Variants in DPP10 observed in about 807,000 individuals in gnomAD.
DPP10 encodes dipeptidyl peptidase like 10.
A neutral mutation model predicts 120.9 loss-of-function variants in DPP10; 33 were observed. The ratio of observed to expected loss-of-function variants is 0.27; its 90% CI spans 0.21 to 0.37. The LOEUF (loss-of-function observed/expected upper bound fraction) is 0.37. Among genes scored for constraint, DPP10 ranks in the 10% least tolerant of loss-of-function variants. DPP10 has a pLI of 1.00. For synonymous variants in DPP10, 337 were observed against 326.1 expected, an observed-to-expected ratio of 1.03 and a Z score of -0.36; for missense variants, 816 against 942.8, an observed-to-expected ratio of 0.87 and a Z score of 1.76.
intron 1 of DPP10, among the ~76,000 whole-genome samples, chr2:114,618,521 A>G (rs1044573175): frequency 6.6e-6 from 1 of 152,036 alleles, no homozygotes; most frequent in Non-Finnish European, 1.5e-5. Flanking sequence ...CAGGAAACAC[A>G]CTCAATACTC....
intron 1 of DPP10, among the ~76,000 whole-genome samples, chr2:114,661,127 T>G (rs902956939): frequency 2.0e-5 from 3 of 152,184 alleles, no homozygotes; most frequent in African/African-American, 7.2e-5. Context: ...TGCTCATTCA[T>G]CTTTCCTTTC....
At chr2:115,345,356 T>TA (rs1284599132) in intron 3 of DPP10, among the ~76,000 whole-genome samples, 1 of 152,136 alleles carries the variant, frequency 6.6e-6, no homozygotes, top group Non-Finnish European at 1.5e-5. Context: ...AGAAGGCTAA[T>TA]AAAAAAGATA....
At chr2:115,246,172 T>C (rs1417958753) in intron 1 of DPP10, among the ~76,000 whole-genome samples, 1 of 152,238 alleles carries the variant, frequency 6.6e-6, no homozygotes, top group East Asian at 1.9e-4. Flanking sequence ...AAATGTGCAC[T>C]TCACATTCCC....
At chr2:115,139,176 G>A (rs1171809102) in intron 1 of DPP10, among the ~76,000 whole-genome samples, 1 of 151,982 alleles carries the variant, frequency 6.6e-6, no homozygotes, top group Non-Finnish European at 1.5e-5. Context: ...TAGGGAACTT[G>A]GAAATATGCA....
At chr2:115,379,161 A>G (rs1316245454) in intron 3 of DPP10, among the ~76,000 whole-genome samples, 7 of 152,278 alleles carry the variant, frequency 4.6e-5, no homozygotes, top group South Asian at 2.1e-4. Context: ...GGTAGAATTC[A>G]GCTGTGAATC....
rs1407240536 is a variant in DPP10 at position 115,844,598 on chromosome 2, C to T, written c.*2253C>T. On this transcript the variant is annotated 3_prime_UTR_variant, in exon 26 of 26. Transcript: ENST00000410059. ...GGAAATGCTCACCAACACATAGTCACCAACTATTAAAGGAATCATGTGATT... is the reference window on the plus strand; with the variant it reads ...GGAAATGCTCACCAACACATAGTCATCAACTATTAAAGGAATCATGTGATT... The T allele has an allele frequency of 1.3e-5, 2 of 152,082 alleles. No homozygotes were observed. Among genetic ancestry groups the T allele is most frequent in the African/African-American group, 2.4e-5 (1 of 41,410 alleles). The allele number at this position is 152,082 out of a possible 1,614,324, so 9.4% of individuals were successfully genotyped here.
intron 5 of DPP10, among the ~76,000 whole-genome samples, chr2:115,597,581 A>T (rs1575289534): frequency 6.7e-6 from 1 of 150,044 alleles, no homozygotes; most frequent in East Asian, 1.9e-4. Flanking sequence ...TATATTTTAT[A>T]TGCATTATAT....
intron 1 of DPP10, among the ~76,000 whole-genome samples, chr2:114,479,864 G>T (rs1308727090): frequency 2.6e-5 from 4 of 152,068 alleles, no homozygotes; most frequent in Non-Finnish European, 5.9e-5. Flanking sequence ...ATTGACAAAT[G>T]GGATCTAATT....
intron 4 of DPP10, among the ~76,000 whole-genome samples, chr2:115,518,324 T>G (rs924084849): frequency 2.0e-5 from 3 of 152,192 alleles, no homozygotes; most frequent in African/African-American, 7.2e-5. Flanking sequence ...TCTTTTTTAT[T>G]TGTTAACCTA....
rs142106353 is a variant in DPP10, at chr2:115,025,619, C to T, written c.61-283620C>T. Among the ~76,000 whole-genome samples the T allele has an allele frequency of 3.1e-3, 465 of 152,244 alleles. 3 individuals carry two copies. Among genetic ancestry groups the T allele is most frequent in the African/African-American group, 0.011 (438 of 41,558 alleles). ...GCTGTACTAATAATTTACATTCCCA[C>T]CAACAGTGTACCAGGTTTCCCCTTC... On this transcript the variant is annotated intron_variant, in intron 1 of 25. Coordinates refer to ENST00000410059, the MANE Select transcript of DPP10 (RefSeq NM_020868.6).
At chr2:114,704,867 G>T (rs112206173) in intron 1 of DPP10, among the ~76,000 whole-genome samples, 2 of 152,076 alleles carry the variant, frequency 1.3e-5, no homozygotes, top group African/African-American at 4.8e-5. Flanking sequence ...TATAGTGGTG[G>T]AATCCTAACT....
chr2:115,351,574 A>C (rs765634471), intron 3 of DPP10, among the ~76,000 whole-genome samples: 1 of 152,132 alleles, frequency 6.6e-6, no homozygotes, highest in Non-Finnish European at 1.5e-5. Flanking sequence ...ATAGGAGGCT[A>C]TTGAAATAAT....
In DPP10 at chr2:114,875,054, T is replaced by A. The variant is rs74564873; in HGVS notation, c.60+432216T>A. On this transcript the variant is annotated intron_variant, in intron 1 of 25. Transcript: ENST00000410059. ...CACAATTATTCTGTCATCTGGATGT[T>A]GTTGTATTCTTCCATGCTAAAAGGG... 1.1e-3 allele frequency among the ~76,000 whole-genome samples: 161 copies of A among 152,298 alleles called. 1 individual carries two copies. In the East Asian group the frequency reaches 0.019, roughly 18 times the overall value.
chr2:114,507,096 G>A (rs915759724), intron 1 of DPP10, among the ~76,000 whole-genome samples: 1 of 145,194 alleles, frequency 6.9e-6, no homozygotes, highest in Non-Finnish European at 1.5e-5. Flanking sequence ...TGCCCAGGCT[G>A]GAGTACAGTG....
intron 1 of DPP10, among the ~76,000 whole-genome samples, chr2:114,720,921 T>C (rs1423748536): frequency 6.6e-6 from 1 of 152,174 alleles, no homozygotes; most frequent in East Asian, 1.9e-4. Context: ...AGCTGCAAGA[T>C]GGAGAATGCA....
chr2:114,569,751 G>T (rs1689474527), intron 1 of DPP10, among the ~76,000 whole-genome samples: 1 of 152,140 alleles, frequency 6.6e-6, no homozygotes, highest in African/African-American at 2.4e-5. Context: ...GAGAAACAAA[G>T]AAATCTTTGC....
intron 1 of DPP10, among the ~76,000 whole-genome samples, chr2:115,029,760 A>G (rs1703714779): frequency 2.0e-5 from 3 of 152,164 alleles, no homozygotes; most frequent in Non-Finnish European, 4.4e-5. Flanking sequence ...AATTAAAATT[A>G]TTTGCAAACC....
intron 19 of DPP10, among the ~76,000 whole-genome samples, chr2:115,808,441 G>T (rs1339443836): frequency 6.6e-6 from 1 of 152,130 alleles, no homozygotes; most frequent in Non-Finnish European, 1.5e-5. Context: ...AAGGTGTAAG[G>T]TCAAGTCCCA....
intron 1 of DPP10, among the ~76,000 whole-genome samples, chr2:115,025,721 A>T (rs1461145025): frequency 6.6e-6 from 1 of 151,974 alleles, no homozygotes; most frequent in Non-Finnish European, 1.5e-5. Flanking sequence ...ATAATACATC[A>T]CTGTGGTTTT....
Sources: allele counts gnomAD v4.1 joint callset (sites outside exome capture counted in the v4.1 genomes callset), GRCh38; gene constraint gnomAD v4.1.1; transcripts MANE v1.5; gene names NCBI Gene and HGNC (gene_info 2026-07-23, HGNC 2026-07-21).